Variants in UMAD1 observed in about 807,000 individuals in gnomAD.
UMAD1 encodes UBAP1-MVB12-associated (UMA) domain containing 1, also known as UBAP1-MVB12-associated (UMA)-domain containing protein 1.
In UMAD1, 8 loss-of-function variants were observed where a neutral mutation model predicts 6.1. The ratio of observed to expected loss-of-function variants is 1.30; its 90% confidence interval spans 0.76 to 2.35. The LOEUF (loss-of-function observed/expected upper bound fraction) is 2.35, where lower values mean the gene tolerates loss of function less well. UMAD1 is among the 30% of genes most tolerant of loss of function. UMAD1 has a pLI of 0.00. For missense variants in UMAD1, 130 were observed against 78.4 expected, an observed-to-expected ratio of 1.66 and a Z score of -2.49; for synonymous variants, 56 against 31.4, an observed-to-expected ratio of 1.78 and a Z score of -2.61.
intron 2 of UMAD1, among the ~76,000 whole-genome samples, chr7:7,768,430 T>C (rs904009860): frequency 1.3e-5 from 2 of 152,202 alleles, no homozygotes; most frequent in Non-Finnish European, 2.9e-5. Context: ...CGTTCTGAAC[T>C]CCACACACTG....
intron 2 of UMAD1, among the ~76,000 whole-genome samples, chr7:7,757,544 C>T (rs745655087): frequency 2.0e-5 from 3 of 152,106 alleles, no homozygotes; most frequent in Non-Finnish European, 4.4e-5. Flanking sequence ...ATTAAACATG[C>T]TTTGGAGCCA....
intron 3 of UMAD1, among the ~76,000 whole-genome samples, chr7:7,813,277 T>G (rs1783059135): frequency 2.6e-5 from 4 of 152,186 alleles, no homozygotes; most frequent in African/African-American, 9.7e-5. Flanking sequence ...CAACCTTGGC[T>G]CACTGCAACC....
intron 2 of UMAD1, among the ~76,000 whole-genome samples, chr7:7,796,075 G>T (rs1782671650): frequency 6.6e-6 from 1 of 151,880 alleles, no homozygotes; most frequent in African/African-American, 2.4e-5. Flanking sequence ...AACAACCAGT[G>T]GACAGGAGAG....
At chr7:7,703,719 C>G (rs970170946) in intron 2 of UMAD1, among the ~76,000 whole-genome samples, 1 of 152,116 alleles carries the variant, frequency 6.6e-6, no homozygotes, top group Admixed American at 6.6e-5. Context: ...ACTGGCAGAT[C>G]GCTTGAGCCC....
intron 2 of UMAD1, among the ~76,000 whole-genome samples, chr7:7,773,022 G>A (rs1472250791): frequency 6.6e-6 from 1 of 152,054 alleles, no homozygotes; most frequent in Non-Finnish European, 1.5e-5. Flanking sequence ...ATATCATTTA[G>A]CTCTAGGAAA....
At chr7:7,693,631 G>A (rs566641122) in intron 2 of UMAD1, among the ~76,000 whole-genome samples, 13 of 152,092 alleles carry the variant, frequency 8.5e-5, no homozygotes, top group Non-Finnish European at 1.5e-4. Flanking sequence ...TTTAAAAATT[G>A]TTTATTTAAA....
chr7:7,735,157 A>T (rs893640045), intron 2 of UMAD1, among the ~76,000 whole-genome samples: 1 of 152,206 alleles, frequency 6.6e-6, no homozygotes, highest in Non-Finnish European at 1.5e-5. Context: ...CCTTAAATTA[A>T]TATTGTTGCA....
intron 3 of UMAD1, among the ~76,000 whole-genome samples, chr7:7,840,517 T>A (rs1411323054): frequency 6.6e-6 from 1 of 152,072 alleles, no homozygotes; most frequent in African/African-American, 2.4e-5. Context: ...GCCAAGCCAA[T>A]AAAAGAAGCA....
intron 1 of UMAD1, among the ~76,000 whole-genome samples, chr7:7,661,345 C>A (rs1285374017): frequency 6.6e-6 from 1 of 152,048 alleles, no homozygotes; most frequent in Non-Finnish European, 1.5e-5. Flanking sequence ...CATTTTTGTT[C>A]CCTTGCTGCT....
At chr7:7,656,721 C>T (rs1036242492) in intron 1 of UMAD1, among the ~76,000 whole-genome samples, 10 of 152,102 alleles carry the variant, frequency 6.6e-5, no homozygotes, top group Non-Finnish European at 1.0e-4. Context: ...TATCATTGAT[C>T]GGCATTTGGT....
rs117953365 is a variant in UMAD1 at position 7,772,508 on chromosome 7, C to G, written c.83-29162C>G. 5.4e-3 allele frequency: 825 copies of G among 152,240 alleles called. 5 individuals are homozygous for G. The highest frequency in any genetic ancestry group is 8.2e-3 in the Non-Finnish European group (555 of 68,010). 9.4% of individuals were successfully genotyped at this position (152,240 alleles called of 1,614,324 possible). A position where few individuals can be genotyped will look rare whatever the true frequency, so the allele number is the denominator to read the frequency against. The stretch of plus-strand genomic sequence containing the variant: ...TCCTGCAGGGACCTGTTTTTACATG[C>G]ATACAGGGATGTTTATGTAGAAATC... On this transcript the variant is annotated intron_variant, in intron 2 of 3. Transcript: ENST00000682710.
intron 2 of UMAD1, among the ~76,000 whole-genome samples, chr7:7,801,199 A>G (rs1251967353): frequency 2.6e-5 from 4 of 152,220 alleles, no homozygotes; most frequent in Non-Finnish European, 5.9e-5. Context: ...TGTAAGGATT[A>G]TCTGTCATCT....
intron 1 of UMAD1, among the ~76,000 whole-genome samples, chr7:7,671,418 A>G (rs1406599289): frequency 2.0e-5 from 3 of 152,204 alleles, no homozygotes; most frequent in East Asian, 1.9e-4. Context: ...TGAGTGCCAC[A>G]TTAGTCTACA....
chr7:7,649,748 C>G (rs1020712738), intron 1 of UMAD1, among the ~76,000 whole-genome samples: 6 of 152,084 alleles, frequency 3.9e-5, no homozygotes, highest in Admixed American at 3.3e-4. Context: ...GTCTCTCTCC[C>G]CCCACCCAAT....
chr7:7,855,226 C>G (rs1219017978), intron 3 of UMAD1, among the ~76,000 whole-genome samples: 1 of 152,196 alleles, frequency 6.6e-6, no homozygotes, highest in African/African-American at 2.4e-5. Flanking sequence ...GATCGTGGTT[C>G]TCTTCTCACA....
intron 3 of UMAD1, 114 bp downstream of exon 3, chr7:7,801,857 T>A: frequency 1.6e-6 from 1 of 641,462 alleles, no homozygotes; most frequent in Non-Finnish European, 2.8e-6. Context: ...GGTGCCTGAA[T>A]ACAGGGAAAC....
At chr7:7,792,130 G>C (rs1782578805) in intron 2 of UMAD1, among the ~76,000 whole-genome samples, 1 of 152,082 alleles carries the variant, frequency 6.6e-6, no homozygotes, top group Non-Finnish European at 1.5e-5. Context: ...GCCAATTTCG[G>C]GTGTTAATAA....
In UMAD1 at chr7:7,703,174, C is replaced by T. The variant is rs1780506256; in HGVS notation, c.82+29721C>T. On this transcript the variant is annotated intron_variant, in intron 2 of 3. Coordinates refer to ENST00000682710, the MANE Select transcript of UMAD1 (RefSeq NM_001302348.2). ...TTTGCCGAAAATAATTACTGGTGCC[C>T]ACTAAAATGGTGATTAAAATCCACT... 2.0e-5 allele frequency among the ~76,000 whole-genome samples: 3 copies of T among 152,140 alleles called. No individual in the cohort carries two copies. In the South Asian group the frequency reaches 6.2e-4, roughly 32 times the overall value.
At chr7:7,731,607 G>C (rs1781260190) in intron 2 of UMAD1, among the ~76,000 whole-genome samples, 2 of 151,950 alleles carry the variant, frequency 1.3e-5, no homozygotes, top group Admixed American at 1.3e-4. Context: ...TTCGCTTATG[G>C]TAATTAACCC....
Sources: allele counts gnomAD v4.1 joint callset (sites outside exome capture counted in the v4.1 genomes callset), GRCh38; gene constraint gnomAD v4.1.1; transcripts MANE v1.5; gene names NCBI Gene and HGNC (gene_info 2026-07-23, HGNC 2026-07-21).